The following RAB27A variants were observed in gnomAD, a reference collection of about 807,000 sequenced individuals.
The protein encoded by RAB27A is RAB27A, member RAS oncogene family, also known as ras-related protein Rab-27A.
In RAB27A, 17 loss-of-function variants were observed where a neutral mutation model predicts 20.8. That is an observed-to-expected ratio of 0.82 (90% CI 0.56 to 1.23). The LOEUF (loss-of-function observed/expected upper bound fraction) is 1.23. RAB27A is among the 50% of genes most tolerant of loss of function. The probability of loss-of-function intolerance (pLI) is 0.00; values close to 1 mark genes in which losing one functional copy is unlikely to be tolerated. For missense variants in RAB27A, 277 were observed against 266.7 expected (o/e 1.04, Z -0.27); for synonymous variants, 85 against 92.8 (o/e 0.92, Z 0.48).
chr15:55,287,623 C>T (rs1173200464), intron 1 of RAB27A, among the ~76,000 whole-genome samples: 2 of 151,984 alleles, frequency 1.3e-5, no homozygotes, highest in African/African-American at 4.8e-5. Context: ...GGCACATGCC[C>T]GTAATCCCAG....
chr15:55,228,321 T>C (rs186872089), intron 5 of RAB27A, among the ~76,000 whole-genome samples: 4 of 152,230 alleles, frequency 2.6e-5, no homozygotes, highest in South Asian at 4.1e-4. Flanking sequence ...ATCTACGAAA[T>C]GGGAATAAGA....
chr15:55,233,150 A>G (rs903960980), intron 3 of RAB27A, among the ~76,000 whole-genome samples: 9 of 152,214 alleles, frequency 5.9e-5, no homozygotes, highest in African/African-American at 1.9e-4. Context: ...AAAAAAATTA[A>G]CTGCATACAG....
chr15:55,261,218 G>A (rs1367805701), intron 2 of RAB27A, among the ~76,000 whole-genome samples: 2 of 151,646 alleles, frequency 1.3e-5, no homozygotes, highest in African/African-American at 2.4e-5. Flanking sequence ...CCAAGATGGT[G>A]AAACCCCCAT....
At chr15:55,217,197 C>G (rs944375804) in intron 6 of RAB27A, among the ~76,000 whole-genome samples, 1 of 152,128 alleles carries the variant, frequency 6.6e-6, no homozygotes, top group Non-Finnish European at 1.5e-5. Flanking sequence ...ACTAATCACT[C>G]AGAGTTTTCT....
At chr15:55,272,394 G>A (rs763352426) in intron 1 of RAB27A, among the ~76,000 whole-genome samples, 28 of 152,032 alleles carry the variant, frequency 1.8e-4, no homozygotes, top group Non-Finnish European at 3.4e-4. Context: ...GTGAGACTCC[G>A]TCTCAAAAAA....
chr15:55,231,105 A>G (rs1204811819), intron 3 of RAB27A, among the ~76,000 whole-genome samples: 1 of 152,192 alleles, frequency 6.6e-6, no homozygotes, highest in Non-Finnish European at 1.5e-5. Context: ...TTCACTGAGG[A>G]TAATGGTCCC....
At chr15:55,317,570 C>T (rs1015835267) in intron 1 of RAB27A, 1 of 386,516 alleles carries the variant, frequency 2.6e-6, no homozygotes, top group Non-Finnish European at 4.6e-6. Context: ...GCCTCGGCCT[C>T]CCAAAGTGCT....
chr15:55,291,497 C>T (rs535440137), upstream of RAB27A, among the ~76,000 whole-genome samples: 16 of 123,554 alleles, frequency 1.3e-4, no homozygotes, highest in African/African-American at 2.2e-4. Context: ...GGCGACCGAG[C>T]GAGACTCTGT....
chr15:55,266,735 A>C (rs1052568758), intron 2 of RAB27A, among the ~76,000 whole-genome samples: 1 of 152,248 alleles, frequency 6.6e-6, no homozygotes, highest in African/African-American at 2.4e-5. Flanking sequence ...AGGTTAATAA[A>C]GTTGCCCAAG....
At chr15:55,207,621 C>CTAT (rs1354258307) in intron 6 of RAB27A, among the ~76,000 whole-genome samples, 1 of 152,202 alleles carries the variant, frequency 6.6e-6, no homozygotes, top group Non-Finnish European at 1.5e-5. Context: ...CCACATGTAG[C>CTAT]TATTGAGCAC....
At chr15:55,255,251 T>A (rs1368219999) in intron 2 of RAB27A, among the ~76,000 whole-genome samples, 1 of 152,170 alleles carries the variant, frequency 6.6e-6, no homozygotes, top group Non-Finnish European at 1.5e-5. Context: ...TCCCTTCCAC[T>A]CTCACCCTGG....
upstream of RAB27A, among the ~76,000 whole-genome samples, chr15:55,291,594 C>T (rs1165123042): frequency 6.9e-6 from 1 of 145,972 alleles, no homozygotes; most frequent in Non-Finnish European, 1.5e-5. Context: ...CTGGGAATCA[C>T]TGATCAGCTA....
At chr15:55,307,867 G>T (rs951949957) in intron 2 of RAB27A, among the ~76,000 whole-genome samples, 37 of 151,460 alleles carry the variant, frequency 2.4e-4, no homozygotes, top group Admixed American at 5.3e-4. Context: ...GAAAAGGCCT[G>T]GTCCAGTAAA....
intron 6 of RAB27A, among the ~76,000 whole-genome samples, chr15:55,217,379 AGGCTGGAGGCGGT>A (rs1450689038): frequency 6.6e-6 from 1 of 152,070 alleles, no homozygotes. Flanking sequence ...ATGATGTTCC[AGGCTGGAGGCGGT>A]GGCTCACCTG....
intron 1 of RAB27A, among the ~76,000 whole-genome samples, chr15:55,281,875 A>T (rs1385992425): frequency 1.3e-5 from 2 of 152,180 alleles, no homozygotes; most frequent in Admixed American, 6.5e-5. Flanking sequence ...AAGCAGAAGG[A>T]TATGAATTGA....
At chr15:55,292,642 T>C (rs914280497), upstream of RAB27A, among the ~76,000 whole-genome samples, 26 of 152,196 alleles carry the variant, frequency 1.7e-4, no homozygotes, top group Non-Finnish European at 3.1e-4. Flanking sequence ...GAAAACCTAG[T>C]TGCAACCAGG....
intron 6 of RAB27A, among the ~76,000 whole-genome samples, chr15:55,210,242 TTAG>T (rs753827114): frequency 2.3e-4 from 34 of 149,836 alleles, no homozygotes; most frequent in South Asian, 4.2e-4. Context: ...CACATATATA[TTAG>T]TGGAGTTGCT....
intron 2 of RAB27A, among the ~76,000 whole-genome samples, chr15:55,299,208 A>T (rs1469253823): frequency 6.6e-6 from 1 of 152,222 alleles, no homozygotes; most frequent in Non-Finnish European, 1.5e-5. Context: ...TAAAAGTATT[A>T]ATTTGGGGAA....
chr15:55,294,977 G>A (rs1442458317), intron 2 of RAB27A, among the ~76,000 whole-genome samples: 2 of 152,098 alleles, frequency 1.3e-5, no homozygotes, highest in Non-Finnish European at 2.9e-5. Context: ...ATAAAGAGCT[G>A]TAACTACTCA....
Sources: allele counts gnomAD v4.1 joint callset (sites outside exome capture counted in the v4.1 genomes callset), GRCh38; gene constraint gnomAD v4.1.1; transcripts MANE v1.5; gene names NCBI Gene and HGNC (gene_info 2026-07-23, HGNC 2026-07-21).